Variants in ARMC8 observed in about 807,000 individuals in gnomAD.
ARMC8 encodes armadillo repeat containing 8.
A neutral mutation model predicts 99.3 loss-of-function variants in ARMC8; 20 were observed. The ratio of observed to expected loss-of-function variants is 0.20; its 90% CI spans 0.14 to 0.29. ARMC8 has a LOEUF of 0.29. ARMC8 is among the 10% of genes least tolerant of loss of function. ARMC8 has a pLI of 1.00. For synonymous variants in ARMC8, 263 were observed against 278.3 expected, an observed-to-expected ratio of 0.95 and a Z score of 0.55; for missense variants, 569 against 809.5, an observed-to-expected ratio of 0.70 and a Z score of 3.60.
chr3:138,192,427 G>A (rs560951747), intron 1 of ARMC8, among the ~76,000 whole-genome samples: 2 of 151,804 alleles, frequency 1.3e-5, no homozygotes, highest in South Asian at 2.1e-4. Context: ...ACAGGTGCCC[G>A]CCACCACACC....
intron 5 of ARMC8, among the ~76,000 whole-genome samples, chr3:138,225,291 A>T (rs2045629814): frequency 6.6e-6 from 1 of 152,114 alleles, no homozygotes; most frequent in African/African-American, 2.4e-5. Flanking sequence ...TTGTGGTTTT[A>T]GTAGAGACGG....
At chr3:138,272,364 T>C (rs1448451768) in intron 16 of ARMC8, among the ~76,000 whole-genome samples, 1 of 152,160 alleles carries the variant, frequency 6.6e-6, no homozygotes, top group African/African-American at 2.4e-5. Context: ...CATAAAGATA[T>C]TCTCAAAAGT....
intron 12 of ARMC8, among the ~76,000 whole-genome samples, chr3:138,258,047 G>C (rs935492387): frequency 6.6e-5 from 10 of 151,954 alleles, no homozygotes; most frequent in Non-Finnish European, 1.5e-4. Context: ...ACTTTCTCTG[G>C]AAACTTTCAC....
At chr3:138,206,395 T>G (rs2044373771) in intron 1 of ARMC8, among the ~76,000 whole-genome samples, 1 of 152,196 alleles carries the variant, frequency 6.6e-6, no homozygotes, top group African/African-American at 2.4e-5. Flanking sequence ...CTGGCGCCTG[T>G]TCTCTGCCTC....
chr3:138,190,216 AT>A (rs1473921904), intron 1 of ARMC8, among the ~76,000 whole-genome samples: 1 of 149,970 alleles, frequency 6.7e-6, no homozygotes, highest in Non-Finnish European at 1.5e-5. Context: ...TCTTGATTGA[AT>A]TTGTTTTGCC....
At chr3:138,275,306 C>T (rs574036417) in intron 18 of ARMC8, among the ~76,000 whole-genome samples, 1 of 152,194 alleles carries the variant, frequency 6.6e-6, no homozygotes, top group South Asian at 2.1e-4. Flanking sequence ...GCCTGTAATC[C>T]CAGCACTTTG....
chr3:138,274,594 G>A, intron 18 of ARMC8, 50 bp downstream of exon 18: 1 of 1,403,212 alleles, frequency 7.1e-7, no homozygotes. Flanking sequence ...TGAGCACAAA[G>A]GAAGTTCTTA....
chr3:138,282,557 C>T (rs975112416), intron 18 of ARMC8, among the ~76,000 whole-genome samples: 1 of 147,828 alleles, frequency 6.8e-6, no homozygotes, highest in African/African-American at 2.5e-5. Flanking sequence ...AGGCAGGGAG[C>T]ATTGCTTGAA....
intron 12 of ARMC8, chr3:138,245,736 T>C: frequency 1.0e-6 from 1 of 992,436 alleles, no homozygotes; most frequent in African/African-American, 1.7e-5. Context: ...AGAAAATGTA[T>C]GCACTGGTAT....
At chr3:138,258,747 C>T (rs547677319) in intron 12 of ARMC8, among the ~76,000 whole-genome samples, 1 of 152,312 alleles carries the variant, frequency 6.6e-6, no homozygotes, top group East Asian at 1.9e-4. Flanking sequence ...GTACACAATA[C>T]CTGATCCATT....
chr3:138,282,931 A>G (rs2050077474), intron 18 of ARMC8, among the ~76,000 whole-genome samples: 1 of 152,212 alleles, frequency 6.6e-6, no homozygotes, highest in Non-Finnish European at 1.5e-5. Flanking sequence ...AAGAAATTTA[A>G]GACAGTTTCA....
At chr3:138,221,370 A>G (rs1307967568) in intron 2 of ARMC8, among the ~76,000 whole-genome samples, 2 of 152,236 alleles carry the variant, frequency 1.3e-5, no homozygotes, top group African/African-American at 4.8e-5. Context: ...CTTAAAATAC[A>G]TGTGCAATGG....
intron 1 of ARMC8, among the ~76,000 whole-genome samples, chr3:138,191,683 CT>C (rs2043393281): frequency 6.6e-6 from 1 of 152,216 alleles, no homozygotes; most frequent in African/African-American, 2.4e-5. Context: ...TCCCTAACCC[CT>C]GGCAACCATA....
intron 5 of ARMC8, among the ~76,000 whole-genome samples, chr3:138,225,751 G>A (rs2045660853): frequency 6.6e-6 from 1 of 152,140 alleles, no homozygotes; most frequent in South Asian, 2.1e-4. Context: ...TTGTCAAATT[G>A]TACACACAGG....
In ARMC8 at chr3:138,298,303, A is replaced by T. The variant is rs2051661200; in HGVS notation, c.*2411A>T. ...TTTCTTTAAGCACTTTATTCAGAAC[A>T]ATACATGTTCTTCTGGTAGTGTTTG... On this transcript the variant is annotated 3_prime_UTR_variant, in exon 22 of 22. Coordinates refer to ENST00000469044, the MANE Select transcript of ARMC8 (RefSeq NM_001363941.2). 1 of 152,242 alleles carries T rather than the reference A, an allele frequency of 6.6e-6. No homozygotes were observed. The highest frequency in any genetic ancestry group is 1.5e-5 in the Non-Finnish European group (1 of 68,050). The allele number at this position is 152,242 out of a possible 1,614,324, so 9.4% of individuals were successfully genotyped here.
chr3:138,199,845 C>A (rs1240910982), intron 1 of ARMC8, among the ~76,000 whole-genome samples: 1 of 152,120 alleles, frequency 6.6e-6, no homozygotes, highest in South Asian at 2.1e-4. Context: ...TTGATCTGAG[C>A]AGTGTACTTG....
rs145906245 is a variant in ARMC8 at position 138,277,785 on chromosome 3, C to T, written c.1725+3241C>T. Among the ~76,000 whole-genome samples, 270 of 152,228 alleles carry T rather than the reference C, an allele frequency of 1.8e-3. 1 individual carries two copies. The Middle Eastern group carries it at 0.051, about 29-fold the overall frequency. On this transcript the variant is annotated intron_variant, in intron 18 of 21. Transcript: ENST00000469044. ...ACGACCCAGCAATGCCATTCCTAGC[C>T]GTTTACTCACATAAAATGAAAACCT...
chr3:138,227,099 C>T (rs1232018629), intron 5 of ARMC8, among the ~76,000 whole-genome samples: 3 of 152,082 alleles, frequency 2.0e-5, no homozygotes, highest in African/African-American at 7.2e-5. Flanking sequence ...GTAGGTAGTC[C>T]AGTAAAAAGA....
At chr3:138,211,363 A>C (rs571000607) in intron 2 of ARMC8, among the ~76,000 whole-genome samples, 1 of 152,362 alleles carries the variant, frequency 6.6e-6, no homozygotes, top group South Asian at 2.1e-4. Flanking sequence ...GCTGTTTAGT[A>C]ATCAAGAATT....
Sources: allele counts gnomAD v4.1 joint callset (sites outside exome capture counted in the v4.1 genomes callset), GRCh38; gene constraint gnomAD v4.1.1; transcripts MANE v1.5; gene names NCBI Gene and HGNC (gene_info 2026-07-23, HGNC 2026-07-21).